The following DLG2 variants were observed in gnomAD, a reference collection of about 807,000 sequenced individuals.
DLG2 encodes the protein disks large homolog 2.
Under a neutral mutation model 132.5 loss-of-function variants are expected in DLG2, and 45 were observed. That is an observed-to-expected ratio of 0.34 (90% confidence interval 0.27 to 0.44). The LOEUF (loss-of-function observed/expected upper bound fraction) is 0.44, where lower values mean the gene tolerates loss of function less well. Among genes scored for constraint, DLG2 ranks in the 20% least tolerant of loss-of-function variants. The pLI is 1.00. For synonymous variants in DLG2, 424 were observed against 419.6 expected (o/e 1.01, Z -0.13); for missense variants, 1,045 against 1,196.9 (o/e 0.87, Z 1.87).
At chr11:84,214,774 G>A (rs929308470) in intron 8 of DLG2, among the ~76,000 whole-genome samples, 1 of 152,072 alleles carries the variant, frequency 6.6e-6, no homozygotes, top group Non-Finnish European at 1.5e-5. Flanking sequence ...AATTTTTCAA[G>A]CAAAAAGAGA....
chr11:84,680,296 C>A (rs998870186), intron 6 of DLG2, among the ~76,000 whole-genome samples: 1 of 152,098 alleles, frequency 6.6e-6, no homozygotes, highest in African/African-American at 2.4e-5. Context: ...CTGCTTCTTG[C>A]TGAACAAAAA....
chr11:84,358,777 A>C (rs1201691711), intron 7 of DLG2, among the ~76,000 whole-genome samples: 1 of 151,950 alleles, frequency 6.6e-6, no homozygotes, highest in South Asian at 2.1e-4. Flanking sequence ...GGTAATAATC[A>C]TTTTGCTGTA....
intron 6 of DLG2, among the ~76,000 whole-genome samples, chr11:84,801,116 T>C (rs920869868): frequency 6.6e-6 from 1 of 152,172 alleles, no homozygotes; most frequent in Non-Finnish European, 1.5e-5. Flanking sequence ...GTGTCTCAAA[T>C]ATAAAATTGG....
At chr11:83,683,630 C>T (rs757867635) in intron 18 of DLG2, among the ~76,000 whole-genome samples, 5 of 152,150 alleles carry the variant, frequency 3.3e-5, no homozygotes, top group Non-Finnish European at 2.9e-5. Context: ...TATATTGAAA[C>T]GTACATCACA....
chr11:83,971,121 ATTC>A (rs1452447522), intron 12 of DLG2, among the ~76,000 whole-genome samples: 4 of 151,998 alleles, frequency 2.6e-5, no homozygotes, highest in Admixed American at 2.0e-4. Context: ...TGTCTTTTTT[ATTC>A]TTTTTTTTCT....
At chr11:84,060,821 C>G (rs2096580119) in intron 10 of DLG2, among the ~76,000 whole-genome samples, 1 of 152,062 alleles carries the variant, frequency 6.6e-6, no homozygotes, top group African/African-American at 2.4e-5. Context: ...TTTTCCCCCA[C>G]CACCACGCAG....
At chr11:85,222,907 A>G (rs2074744123) in intron 4 of DLG2, among the ~76,000 whole-genome samples, 1 of 151,910 alleles carries the variant, frequency 6.6e-6, no homozygotes, top group East Asian at 1.9e-4. Context: ...TACCTTTATC[A>G]CTTCCCTTCT....
chr11:83,695,512 G>A (rs139215214), intron 18 of DLG2, among the ~76,000 whole-genome samples: 152 of 152,316 alleles, frequency 1.0e-3, no homozygotes, highest in African/African-American at 3.5e-3. Flanking sequence ...GGAGGCCGAG[G>A]TGGGTGGATC....
intron 6 of DLG2, among the ~76,000 whole-genome samples, chr11:84,903,880 C>A (rs1248040160): frequency 6.6e-6 from 1 of 152,022 alleles, no homozygotes; most frequent in Admixed American, 6.6e-5. Flanking sequence ...TGATAAAAAT[C>A]ATTATTATTC....
Position 84,449,844 on chromosome 11 carries a change from A to T in DLG2, c.519+84726T>A, listed in dbSNP as rs183125448. Among the ~76,000 whole-genome samples, 68 of 152,076 alleles carry T rather than the reference A, an allele frequency of 4.5e-4. 1 individual carries two copies. The highest frequency in any genetic ancestry group is 3.8e-3 in the Admixed American group (58 of 15,260). On this transcript the variant is annotated intron_variant, in intron 7 of 27. Transcript: ENST00000376104. ...ATATAAATAACACAATAAAAATAAA[A>T]TACTAATCACATTAAGAAGTAAAAT...
At chr11:84,014,679 T>A (rs2095073840) in intron 11 of DLG2, among the ~76,000 whole-genome samples, 1 of 152,160 alleles carries the variant, frequency 6.6e-6, no homozygotes, top group African/African-American at 2.4e-5. Context: ...AACAACATGT[T>A]TGTGTTCCCA....
chr11:84,974,562 T>C (rs2054591173), intron 6 of DLG2, among the ~76,000 whole-genome samples: 1 of 152,190 alleles, frequency 6.6e-6, no homozygotes, highest in African/African-American at 2.4e-5. Flanking sequence ...GTGAAGGGAA[T>C]AAATGGAAGA....
intron 3 of DLG2, among the ~76,000 whole-genome samples, chr11:85,493,016 AG>A: frequency 6.6e-6 from 1 of 152,144 alleles, no homozygotes; most frequent in Non-Finnish European, 1.5e-5. Context: ...TAAAAAAAAA[AG>A]AGCTTTATTT....
chr11:83,689,923 TTACATAA>T (rs2080566761), intron 18 of DLG2, among the ~76,000 whole-genome samples: 4 of 144,322 alleles, frequency 2.8e-5, no homozygotes, highest in African/African-American at 5.1e-5. Flanking sequence ...TATTATATAT[TTACATAA>T]ATATATAATA....
chr11:84,583,768 T>C lies in DLG2; in HGVS notation c.358-49037A>G, dbSNP rs544785614. ...ACAAATCTACCCCAAAATATTAATA[T>C]ATTGTTTAAATGTGCTTCTTTTTGA... is the stretch of plus-strand genomic sequence containing the variant. On this transcript the variant is annotated intron_variant, in intron 6 of 27. Coordinates refer to ENST00000376104, the MANE Select transcript of DLG2 (RefSeq NM_001142699.3). Among the ~76,000 whole-genome samples, 5 of 152,256 alleles carry C rather than the reference T, an allele frequency of 3.3e-5. No homozygotes were observed. In the South Asian group the frequency reaches 6.2e-4, roughly 19 times the overall value.
chr11:84,906,907 A>C (rs548703268), intron 6 of DLG2, among the ~76,000 whole-genome samples: 20 of 152,216 alleles, frequency 1.3e-4, no homozygotes, highest in Non-Finnish European at 2.4e-4. Flanking sequence ...AAATGAGGGT[A>C]TCAGTATACA....
chr11:85,503,116 A>G (rs1256151842), intron 3 of DLG2, among the ~76,000 whole-genome samples: 1 of 152,142 alleles, frequency 6.6e-6, no homozygotes, highest in Non-Finnish European at 1.5e-5. Context: ...ATTCATAAAC[A>G]AGCAAACTAA....
intron 6 of DLG2, among the ~76,000 whole-genome samples, chr11:84,942,986 C>T (rs2049663842): frequency 6.6e-6 from 1 of 152,078 alleles, no homozygotes; most frequent in South Asian, 2.1e-4. Flanking sequence ...TTCTTTGTCT[C>T]TTTATATAGT....
At chr11:83,515,148 A>C (rs61900134) in intron 21 of DLG2, among the ~76,000 whole-genome samples, 3 of 152,062 alleles carry the variant, frequency 2.0e-5, no homozygotes, top group Non-Finnish European at 4.4e-5. Context: ...CTGTGAATCC[A>C]TCTGGTCCTG....
Sources: gnomAD v4.1 joint callset for allele counts (sites outside exome capture counted in the v4.1 genomes callset) on GRCh38, gnomAD v4.1.1 for gene constraint, MANE v1.5 for transcripts, NCBI Gene and HGNC (gene_info 2026-07-23, HGNC 2026-07-21) for gene names.